Variants in GLG1 observed in about 807,000 individuals in gnomAD.
The protein encoded by GLG1 is golgi glycoprotein 1.
Under a neutral mutation model 160.5 loss-of-function variants are expected in GLG1, and 38 were observed. The observed-to-expected ratio is 0.24, with a 90% CI of 0.18 to 0.31. The LOEUF is 0.31. GLG1 is among the 10% of genes least tolerant of loss of function. The probability of loss-of-function intolerance (pLI) is 1.00; values close to 1 mark genes in which losing one functional copy is unlikely to be tolerated. For missense variants in GLG1, 1,373 were observed against 1,505.2 expected (o/e 0.91, Z 1.45); for synonymous variants, 644 against 543.4 (o/e 1.19, Z -2.57).
chr16:74,513,429 C>T (rs891074194), intron 2 of GLG1, among the ~76,000 whole-genome samples: 6 of 152,012 alleles, frequency 3.9e-5, no homozygotes, highest in Non-Finnish European at 7.4e-5. Context: ...CCCTCTGGGA[C>T]GAAGCTTCCA....
chr16:74,513,557 G>T (rs949481346), intron 2 of GLG1, among the ~76,000 whole-genome samples: 2 of 152,168 alleles, frequency 1.3e-5, no homozygotes, highest in African/African-American at 4.8e-5. Flanking sequence ...TGAGGGGCCT[G>T]TCTCTTAGAA....
intron 2 of GLG1, among the ~76,000 whole-genome samples, chr16:74,522,910 C>G (rs950370736): frequency 6.6e-6 from 1 of 152,192 alleles, no homozygotes; most frequent in Non-Finnish European, 1.5e-5. Flanking sequence ...GTCTCAAACT[C>G]TGGGCTCATG....
chr16:74,536,130 A>G (rs2017680346), intron 1 of GLG1, among the ~76,000 whole-genome samples: 1 of 152,210 alleles, frequency 6.6e-6, no homozygotes, highest in Admixed American at 6.5e-5. Flanking sequence ...CAAGGAACGA[A>G]AACAGATGCA....
At chr16:74,581,826 C>T (rs962076439) in intron 1 of GLG1, among the ~76,000 whole-genome samples, 5 of 152,252 alleles carry the variant, frequency 3.3e-5, no homozygotes, top group East Asian at 3.9e-4. Context: ...GCAGGACAAT[C>T]GCTTGAACCT....
At chr16:74,485,951 A>T in intron 8 of GLG1, 34 bp from the exon 9 acceptor site, 1 of 1,590,218 alleles carries the variant, frequency 6.3e-7, no homozygotes, top group Non-Finnish European at 8.6e-7. Flanking sequence ...GAAGAAAGAA[A>T]GTCACTTAGG....
At chr16:74,549,322 C>G (rs942165241) in intron 1 of GLG1, among the ~76,000 whole-genome samples, 3 of 151,890 alleles carry the variant, frequency 2.0e-5, no homozygotes, top group Non-Finnish European at 4.4e-5. Context: ...GATATGGAGT[C>G]TTGCTCTGTT....
intron 1 of GLG1, among the ~76,000 whole-genome samples, chr16:74,602,852 T>C (rs979863368): frequency 6.6e-6 from 1 of 151,018 alleles, no homozygotes; most frequent in Non-Finnish European, 1.5e-5. Context: ...TACCCTATTC[T>C]CTCTACTTCT....
intron 2 of GLG1, among the ~76,000 whole-genome samples, chr16:74,512,269 A>G (rs1302887053): frequency 1.4e-5 from 2 of 141,612 alleles, no homozygotes; most frequent in East Asian, 2.4e-4. Flanking sequence ...GCGAGAATCC[A>G]TATTAAAAAA....
rs531921514 is a variant in GLG1 at position 74,447,513 on chromosome 16, T to C, written c.*5654A>G. On this transcript the variant is annotated 3_prime_UTR_variant, in exon 26 of 26. Transcript: ENST00000422840. ...AAATGCACATTATGTTCAGAACATATCTCAGTAACATCTCAAAATTACACA... is the reference window on the plus strand; with the variant it reads ...AAATGCACATTATGTTCAGAACATACCTCAGTAACATCTCAAAATTACACA... The C allele has an allele frequency of 6.6e-6, 1 of 152,270 alleles. No homozygotes were observed. The highest frequency in any genetic ancestry group is 2.4e-5 in the African/African-American group (1 of 41,558). The allele number at this position is 152,270 out of a possible 1,614,324, so 9.4% of individuals were successfully genotyped here.
chr16:74,476,143 C>G (rs1310883065), intron 12 of GLG1, among the ~76,000 whole-genome samples: 1 of 151,798 alleles, frequency 6.6e-6, no homozygotes, highest in Admixed American at 6.6e-5. Flanking sequence ...GATCGTGCCA[C>G]TGCACTCCAG....
intron 1 of GLG1, among the ~76,000 whole-genome samples, chr16:74,568,867 A>T (rs1424450619): frequency 6.6e-6 from 1 of 152,356 alleles, no homozygotes; most frequent in African/African-American, 2.4e-5. Flanking sequence ...TAAACAACTA[A>T]AAGTGTTGGA....
In GLG1 at chr16:74,591,574, G is replaced by C. The variant is rs184539904; in HGVS notation, c.438+15083C>G. Among the ~76,000 whole-genome samples the C allele has an allele frequency of 5.1e-3, 781 of 152,198 alleles. 2 individuals carry two copies. The highest frequency in any genetic ancestry group is 8.5e-3 in the Non-Finnish European group (576 of 68,002). ...ACCCGGGAGGCGGAGCTTGCAGTGA[G>C]CCGAAATCGCACCACTGCACTCCAG... On this transcript the variant is annotated intron_variant, in intron 1 of 25. Transcript: ENST00000422840.
At chr16:74,553,449 CT>C (rs936177177) in intron 1 of GLG1, among the ~76,000 whole-genome samples, 1 of 138,982 alleles carries the variant, frequency 7.2e-6, no homozygotes, top group Non-Finnish European at 1.6e-5. Flanking sequence ...CTGGAACATT[CT>C]TTTTTTGGTT....
intron 1 of GLG1, among the ~76,000 whole-genome samples, chr16:74,588,510 C>T (rs368211796): frequency 4.6e-5 from 7 of 152,184 alleles, no homozygotes; most frequent in African/African-American, 1.7e-4. Context: ...GCCTCGACTT[C>T]CCAGGCTCAG....
chr16:74,591,142 C>T (rs2143862871), intron 1 of GLG1, among the ~76,000 whole-genome samples: 1 of 151,920 alleles, frequency 6.6e-6, no homozygotes, highest in East Asian at 1.9e-4. Context: ...ACCAGCCTAG[C>T]CAACACGGTG....
At chr16:74,538,717 G>A (rs1197907583) in intron 1 of GLG1, among the ~76,000 whole-genome samples, 1 of 125,600 alleles carries the variant, frequency 8.0e-6, no homozygotes, top group African/African-American at 3.0e-5. Flanking sequence ...GGTCCAACGG[G>A]AGATTTTGAG....
chr16:74,539,482 C>T (rs1225006304), intron 1 of GLG1, among the ~76,000 whole-genome samples: 3 of 146,568 alleles, frequency 2.0e-5, no homozygotes, highest in African/African-American at 7.5e-5. Context: ...CTCCTCAAAG[C>T]CCTTTAATTC....
At position 74,581,408 on chromosome 16, in the gene GLG1, C is replaced by T. The variant is rs191987865; in HGVS notation, c.438+25249G>A. ...GCCAGACATAAAAGGACAAATATCA[C>T]GATTCCACTTACATGGAATACCTAG... On this transcript the variant is annotated intron_variant, in intron 1 of 25. Transcript: ENST00000422840. Among the ~76,000 whole-genome samples the T allele has an allele frequency of 7.2e-4, 110 of 151,834 alleles. No homozygotes were observed. In the East Asian group the frequency reaches 0.016, roughly 22 times the overall value.
intron 1 of GLG1, among the ~76,000 whole-genome samples, chr16:74,540,682 T>C (rs1023699178): frequency 2.6e-5 from 4 of 151,730 alleles, no homozygotes; most frequent in African/African-American, 4.8e-5. Context: ...CTTAGAAATC[T>C]AGAATACAGT....
Sources: gnomAD v4.1 joint callset for allele counts (sites outside exome capture counted in the v4.1 genomes callset) on GRCh38, gnomAD v4.1.1 for gene constraint, MANE v1.5 for transcripts, NCBI Gene and HGNC (gene_info 2026-07-23, HGNC 2026-07-21) for gene names.